RNF130: variants seen among roughly 807,000 people sequenced by gnomAD.
The protein encoded by RNF130 is ring finger protein 130, also known as E3 ubiquitin-protein ligase RNF130.
Under a neutral mutation model 44.6 loss-of-function variants are expected in RNF130, and 21 were observed. The ratio of observed to expected loss-of-function variants is 0.47; its 90% CI spans 0.33 to 0.68. RNF130 has a LOEUF of 0.68. Ranked by LOEUF, RNF130 falls within the 30% of genes least tolerant of loss-of-function variation. The pLI is 0.02. For missense variants in RNF130, 479 were observed against 560.6 expected (o/e 0.85, Z 1.47); for synonymous variants, 214 against 210.4 (o/e 1.02, Z -0.15).
chr5:179,919,111 C>T (rs926579870), exon 8 of RNF130: 5 of 152,242 alleles, frequency 3.3e-5, no homozygotes, highest in Non-Finnish European at 5.9e-5. Context: ...GCAGACTCAA[C>T]TCAGGTGTGT....
rs117688939 is a variant in RNF130, at chr5:179,978,538, C to T, written c.766-253G>A. On this transcript the variant is annotated intron_variant, in intron 4 of 8. Transcript: ENST00000521389. The stretch of plus-strand genomic sequence containing the variant: ...ATGATATGTCTTACAAAAATTAAGT[C>T]GGAATTCTAATTTTTTCCAGGTTAG... 2.1e-4 allele frequency among the ~76,000 whole-genome samples: 32 copies of T among 152,176 alleles called. No individual in the cohort carries two copies. In the East Asian group the frequency reaches 4.8e-3, roughly 23 times the overall value.
At chr5:179,928,829 C>A (rs1761748166) in intron 7 of RNF130, among the ~76,000 whole-genome samples, 1 of 152,038 alleles carries the variant, frequency 6.6e-6, no homozygotes, top group African/African-American at 2.4e-5. Context: ...GGGGTTTCAA[C>A]CGTGTTAGCC....
intron 1 of RNF130, among the ~76,000 whole-genome samples, chr5:180,043,093 A>G (rs907704252): frequency 6.6e-6 from 1 of 152,204 alleles, no homozygotes; most frequent in African/African-American, 2.4e-5. Context: ...CAAGGTGGGA[A>G]GACCACTCAA....
rs10060093 is a variant in RNF130 at position 179,966,867 on chromosome 5, T to C, written c.1089A>G (p.Ser363=). The change falls in exon 7 of 9, where the codon TCA becomes TCG. Residue 363 remains serine (S), a synonymous_variant. Transcript: ENST00000521389. ...GLEPLRTSGI[S]PLPQDGELTP... ...TGAGCTCCCCATCCTGAGGAAGAGG[T>C]GAGATCCCCGAAGTTCGAAGTGGCT... 6,600 of 1,613,940 alleles carry C rather than the reference T, an allele frequency of 4.1e-3. 215 individuals carry two copies. The African/African-American group carries it at 0.072, about 18-fold the overall frequency.
At chr5:179,958,200 T>C (rs956567109) in intron 8 of RNF130, among the ~76,000 whole-genome samples, 1 of 152,186 alleles carries the variant, frequency 6.6e-6, no homozygotes, top group Non-Finnish European at 1.5e-5. Flanking sequence ...TTTAGACAAG[T>C]GTTTCTCAAA....
intron 7 of RNF130, among the ~76,000 whole-genome samples, chr5:179,945,308 A>T (rs1374747620): frequency 6.6e-6 from 1 of 152,012 alleles, no homozygotes; most frequent in African/African-American, 2.4e-5. Context: ...GTGGGACCCA[A>T]TGGACCCAAA....
At chr5:180,032,745 G>A (rs925956798) in intron 2 of RNF130, among the ~76,000 whole-genome samples, 3 of 152,056 alleles carry the variant, frequency 2.0e-5, no homozygotes, top group South Asian at 2.1e-4. Context: ...GTTGTGAAAC[G>A]GAGTGTGTAA....
intron 1 of RNF130, among the ~76,000 whole-genome samples, chr5:180,045,010 C>A (rs1237830576): frequency 6.6e-6 from 1 of 152,040 alleles, no homozygotes; most frequent in Non-Finnish European, 1.5e-5. Context: ...CTGAAACTTG[C>A]GCAGCCAGGA....
At chr5:180,003,073 G>C (rs1763382392) in intron 3 of RNF130, among the ~76,000 whole-genome samples, 1 of 152,134 alleles carries the variant, frequency 6.6e-6, no homozygotes, top group South Asian at 2.1e-4. Flanking sequence ...TGCCTCCACA[G>C]GATGTCCAGG....
At chr5:179,989,362 C>T (rs1033303665) in intron 3 of RNF130, among the ~76,000 whole-genome samples, 1 of 152,154 alleles carries the variant, frequency 6.6e-6, no homozygotes, top group Non-Finnish European at 1.5e-5. Flanking sequence ...AATTTCCCAA[C>T]CATTATTGTA....
intron 7 of RNF130, among the ~76,000 whole-genome samples, chr5:179,949,693 A>G (rs558446171): frequency 2.0e-5 from 3 of 152,344 alleles, no homozygotes; most frequent in African/African-American, 4.8e-5. Flanking sequence ...GTGAAATTAA[A>G]TAACTCAAAG....
At chr5:179,973,598 C>T (rs1016998841) in intron 5 of RNF130, among the ~76,000 whole-genome samples, 5 of 152,206 alleles carry the variant, frequency 3.3e-5, no homozygotes, top group South Asian at 2.1e-4. Flanking sequence ...ACGGGCAGAG[C>T]GGCCCCGCCA....
At chr5:180,027,487 G>A (rs995440369) in intron 2 of RNF130, among the ~76,000 whole-genome samples, 1 of 152,148 alleles carries the variant, frequency 6.6e-6, no homozygotes, top group East Asian at 1.9e-4. Context: ...CTGAAAAGAC[G>A]AGACTCAGAG....
At chr5:179,929,187 T>C (rs1363312127) in intron 7 of RNF130, among the ~76,000 whole-genome samples, 1 of 152,216 alleles carries the variant, frequency 6.6e-6, no homozygotes, top group Non-Finnish European at 1.5e-5. Context: ...TTTATAAATA[T>C]TCAGTGGAGC....
chr5:179,933,398 T>TTGTTTGTGTGTGTGTGTGTGTGTG (rs1554100040), intron 7 of RNF130, among the ~76,000 whole-genome samples: 13 of 143,502 alleles, frequency 9.1e-5, no homozygotes, highest in African/African-American at 3.4e-4. Flanking sequence ...ATAACCCTAT[T>TTGTTTGTGTGTGTGTGTGTGTGTG]TGTGTGTGTG....
At chr5:180,002,105 A>G (rs1442155181) in intron 3 of RNF130, among the ~76,000 whole-genome samples, 1 of 152,286 alleles carries the variant, frequency 6.6e-6, no homozygotes, top group South Asian at 2.1e-4. Flanking sequence ...GCTTCAGCTT[A>G]GGTACTGGGA....
chr5:180,045,676 C>G (rs1371951932), intron 1 of RNF130, among the ~76,000 whole-genome samples: 2 of 152,166 alleles, frequency 1.3e-5, no homozygotes, highest in Non-Finnish European at 2.9e-5. Flanking sequence ...TTGAGTTAGA[C>G]ACAGAGTGCT....
intron 3 of RNF130, among the ~76,000 whole-genome samples, chr5:180,004,623 A>G (rs1392644048): frequency 2.0e-5 from 3 of 152,240 alleles, no homozygotes; most frequent in Admixed American, 6.5e-5. Context: ...TTGAAAGCAA[A>G]GTGACAAAAT....
At position 180,047,359 on chromosome 5, in the gene RNF130, A is replaced by G. The variant is rs1006896067; in HGVS notation, c.248-6712T>C. 7.9e-5 allele frequency among the ~76,000 whole-genome samples: 12 copies of G among 152,338 alleles called. No individual in the cohort carries two copies. The East Asian group carries it at 2.3e-3, about 29-fold the overall frequency. On this transcript the variant is annotated intron_variant, in intron 1 of 8. Coordinates refer to ENST00000521389, the MANE Select transcript of RNF130 (RefSeq NM_018434.6). The stretch of plus-strand genomic sequence containing the variant: ...ATTCTCTTTATCCACTTCCATGGAT[A>G]TAACTTATTATTTTACTGCTTCTAC...
Sources: allele counts gnomAD v4.1 joint callset (sites outside exome capture counted in the v4.1 genomes callset), GRCh38; gene constraint gnomAD v4.1.1; transcripts MANE v1.5; gene names NCBI Gene and HGNC (gene_info 2026-07-23, HGNC 2026-07-21).